Variants in CDC14B observed in about 807,000 individuals in gnomAD.
CDC14B encodes the protein cell division cycle 14B, also known as dual specificity protein phosphatase CDC14B.
In CDC14B, 22 loss-of-function variants were observed where a neutral mutation model predicts 64.2. The ratio of observed to expected loss-of-function variants is 0.34; its 90% confidence interval spans 0.24 to 0.49. The LOEUF is 0.49. Ranked by LOEUF, CDC14B falls within the 20% of genes least tolerant of loss-of-function variation. The pLI is 0.99. For missense variants in CDC14B, 498 were observed against 629.9 expected, an observed-to-expected ratio of 0.79 and a Z score of 2.24; for synonymous variants, 191 against 215.8, an observed-to-expected ratio of 0.89 and a Z score of 1.01.
rs904854852 is a variant in CDC14B at position 96,534,106 on chromosome 9, T to C, written c.767A>G (p.Asn256Ser). ...ATTCAGACGAATAATGGTAGTAACA[T>C]TGTGATTCTTAAAATATTGAATATA... ...ETYIQYFKNH[N>S]VTTIIRLNKR... The change falls in exon 9 of 14, where the codon AAT becomes AGT. Residue 256 changes from asparagine (N) to serine (S), a missense_variant. By Grantham distance (46) the Asn-to-Ser change is conservative (BLOSUM62 1). Transcript: ENST00000375241. 12 of 1,611,350 alleles carry C rather than the reference T, an allele frequency of 7.4e-6. No homozygotes were observed. The highest frequency in any genetic ancestry group is 1.0e-5 in the Non-Finnish European group (12 of 1,178,086).
In CDC14B at chr9:96,539,112, T is replaced by C. The variant is rs568575642; in HGVS notation, c.593A>G (p.Asn198Ser). 1.6e-5 allele frequency: 26 copies of C among 1,610,580 alleles called. No homozygotes were observed. The East Asian group carries it at 2.7e-4, about 17-fold the overall frequency. The change falls in exon 7 of 14, where the codon AAC becomes AGC. Residue 198 changes from asparagine (N) to serine (S), a missense_variant. Coordinates refer to ENST00000375241, the MANE Select transcript of CDC14B (RefSeq NM_033331.4). ...KAMQYGFLNF[N>S]SFNLDEYEHY... Reference sequence around the variant, plus strand: ...TTCATATTCATCAAGGTTAAATGAGTTGAAATTAAGGAAGCCATACTGCAT... The same window carrying C: ...TTCATATTCATCAAGGTTAAATGAGCTGAAATTAAGGAAGCCATACTGCAT...
intron 1 of CDC14B, among the ~76,000 whole-genome samples, chr9:96,573,955 G>T (rs1246582681): frequency 6.6e-6 from 1 of 152,138 alleles, no homozygotes; most frequent in Admixed American, 6.5e-5. Context: ...AGACCATCCT[G>T]GCTAACGTGG....
At chr9:96,602,308 G>C (rs1846536689) in intron 1 of CDC14B, among the ~76,000 whole-genome samples, 1 of 152,132 alleles carries the variant, frequency 6.6e-6, no homozygotes, top group Non-Finnish European at 1.5e-5. Context: ...GTCACAACAA[G>C]CACAGTTCCC....
In CDC14B at chr9:96,508,811, C is replaced by A. The variant is rs898520277; in HGVS notation, c.1460+862G>T. ...GGGGACTAATTTCACACTGATAAGG[C>A]CCCTAGGCCCAAAGCCTCGGATATA... On this transcript the variant is annotated intron_variant, in intron 13 of 13. Coordinates refer to ENST00000375241, the MANE Select transcript of CDC14B (RefSeq NM_033331.4). Among the ~76,000 whole-genome samples the A allele has an allele frequency of 5.3e-5, 8 of 152,330 alleles. No homozygotes were observed. The East Asian group carries it at 7.7e-4, about 15-fold the overall frequency.
rs113423627 is a variant in CDC14B at position 96,546,109 on chromosome 9, G to A, written c.498-4217C>T. The stretch of plus-strand genomic sequence containing the variant: ...CTAGTTTTAAAGAATGGCAGCTTTC[G>A]TAACAGCTCGTATTCACCACGGCCA... On this transcript the variant is annotated intron_variant, in intron 5 of 13. Coordinates refer to ENST00000375241, the MANE Select transcript of CDC14B (RefSeq NM_033331.4). Among the ~76,000 whole-genome samples the A allele has an allele frequency of 6.8e-3, 1,043 of 152,284 alleles. 14 individuals carry two copies. Among genetic ancestry groups the A allele is most frequent in the African/African-American group, 0.023 (959 of 41,548 alleles).
In CDC14B at chr9:96,570,893, G is replaced by GTC. The variant is rs200059913; in HGVS notation, c.161-5411_161-5410insGA. 4.3e-3 allele frequency among the ~76,000 whole-genome samples: 653 copies of GTC among 152,240 alleles called. 4 individuals are homozygous for GTC. The highest frequency in any genetic ancestry group is 0.015 in the African/African-American group (618 of 41,500). ...GAACACAGGCTATTGGATCTGAAGC[G>GTC]TAAGATTAAGTCCCAGCCTCAAAGA... On this transcript the variant is annotated intron_variant, in intron 1 of 13. Coordinates refer to ENST00000375241, the MANE Select transcript of CDC14B (RefSeq NM_033331.4).
chr9:96,618,390 CTG>C (rs1196887182), intron 1 of CDC14B: 3 of 470,160 alleles, frequency 6.4e-6, no homozygotes, highest in African/African-American at 5.9e-5. Flanking sequence ...ACACGCGTCA[CTG>C]TCAATCCCAG....
chr9:96,591,707 T>G (rs1055144402), intron 1 of CDC14B, among the ~76,000 whole-genome samples: 2 of 152,146 alleles, frequency 1.3e-5, no homozygotes, highest in Non-Finnish European at 2.9e-5. Context: ...GTCTTCCGAT[T>G]CACAAGCAAC....
exon 14 of CDC14B, chr9:96,492,125 C>T: frequency 6.6e-6 from 1 of 152,406 alleles, no homozygotes. Flanking sequence ...AGGCAGGGCA[C>T]CCTGGGCACC....
intron 13 of CDC14B, among the ~76,000 whole-genome samples, chr9:96,508,567 G>A (rs1372053012): frequency 6.6e-6 from 1 of 152,212 alleles, no homozygotes; most frequent in Non-Finnish European, 1.5e-5. Flanking sequence ...CATTTCTAAT[G>A]AAAAATTTTA....
rs917341769 is a variant in CDC14B, at chr9:96,553,657, G to A, written c.421-1785C>T. Among the ~76,000 whole-genome samples the A allele has an allele frequency of 2.2e-4, 33 of 151,752 alleles. 1 individual carries two copies. The highest frequency in any genetic ancestry group is 7.8e-4 in the African/African-American group (32 of 41,286). On this transcript the variant is annotated intron_variant, in intron 4 of 13. Transcript: ENST00000375241. ...ATTACAGACATGAGCCACCATGTCC[G>A]GCCTACACACAGATCTTCTAAGCAT... is the stretch of plus-strand genomic sequence containing the variant.
chr9:96,592,525 C>G (rs1240722520), intron 1 of CDC14B, among the ~76,000 whole-genome samples: 1 of 152,112 alleles, frequency 6.6e-6, no homozygotes, highest in Non-Finnish European at 1.5e-5. Context: ...CCTGTAATCC[C>G]AGCAATTTGG....
intron 2 of CDC14B, among the ~76,000 whole-genome samples, chr9:96,565,157 A>G (rs1205614658): frequency 6.6e-6 from 1 of 152,126 alleles, no homozygotes; most frequent in African/African-American, 2.4e-5. Context: ...CTTACTTAGT[A>G]CACATTTATA....
At chr9:96,527,894 C>T (rs538713086) in intron 9 of CDC14B, among the ~76,000 whole-genome samples, 6 of 152,136 alleles carry the variant, frequency 3.9e-5, no homozygotes, top group East Asian at 1.9e-4. Flanking sequence ...GGATTACAGG[C>T]GTGAGCCACC....
At chr9:96,618,536 A>G in intron 1 of CDC14B, 1 of 533,512 alleles carries the variant, frequency 1.9e-6, no homozygotes, top group South Asian at 1.4e-5. Flanking sequence ...GACAACCCGG[A>G]CATTCGTCTT....
intron 1 of CDC14B, among the ~76,000 whole-genome samples, chr9:96,604,998 G>C (rs960334972): frequency 1.3e-5 from 2 of 152,010 alleles, no homozygotes; most frequent in African/African-American, 4.8e-5. Context: ...ACCCAGTTTA[G>C]TACTCACCTT....
Position 96,538,957 on chromosome 9 carries a change from C to T in CDC14B, c.627+121G>A, listed in dbSNP as rs923163473. 10 of 686,460 alleles carry T rather than the reference C, an allele frequency of 1.5e-5. No individual in the cohort carries two copies. In the East Asian group the frequency reaches 1.6e-4, roughly 11 times the overall value. 42.5% of individuals were successfully genotyped at this position (686,460 alleles called of 1,614,324 possible). On this transcript the variant is annotated intron_variant, in intron 7 of 13. Transcript: ENST00000375241. The stretch of plus-strand genomic sequence containing the variant: ...TTAGGTAATCATTTCATGGTGTATA[C>T]ATATATCAAAACATTACTTTGTACA...
chr9:96,557,240 T>TATTACTCAGCTA (rs1842615303), intron 4 of CDC14B, among the ~76,000 whole-genome samples: 1 of 152,212 alleles, frequency 6.6e-6, no homozygotes, highest in Non-Finnish European at 1.5e-5. Flanking sequence ...ACTGAGGGCC[T>TATTACTCAGCTA]GTGCCGTCCC....
intron 9 of CDC14B, among the ~76,000 whole-genome samples, chr9:96,524,485 C>T (rs568820244): frequency 3.9e-5 from 6 of 152,278 alleles, no homozygotes; most frequent in African/African-American, 1.4e-4. Flanking sequence ...TCTGTAATAC[C>T]CATTTTCACT....
Sources: gnomAD v4.1 joint callset for allele counts (sites outside exome capture counted in the v4.1 genomes callset) on GRCh38, gnomAD v4.1.1 for gene constraint, MANE v1.5 for transcripts, NCBI Gene and HGNC (gene_info 2026-07-23, HGNC 2026-07-21) for gene names.